PPA2: variants seen among roughly 807,000 people sequenced by gnomAD.
PPA2 encodes inorganic pyrophosphatase 2, mitochondrial.
In PPA2, 48 loss-of-function variants were observed where a neutral mutation model predicts 49.5. The observed-to-expected ratio is 0.97, with a 90% CI of 0.77 to 1.23. PPA2 has a LOEUF of 1.23. PPA2 is among the 50% of genes most tolerant of loss of function. The probability of loss-of-function intolerance (pLI) is 0.00; values close to 1 mark genes in which losing one functional copy is unlikely to be tolerated. For missense variants in PPA2, 429 were observed against 410.1 expected (o/e 1.05, Z -0.40); for synonymous variants, 131 against 139.9 (o/e 0.94, Z 0.45).
intron 7 of PPA2, among the ~76,000 whole-genome samples, chr4:105,423,702 G>C (rs568792138): frequency 2.6e-5 from 4 of 152,110 alleles, no homozygotes; most frequent in Admixed American, 6.5e-5. Context: ...TCAAAATTTC[G>C]TTAGAGGGCA....
intron 7 of PPA2, among the ~76,000 whole-genome samples, chr4:105,404,731 C>G (rs887174957): frequency 2.0e-5 from 3 of 152,162 alleles, no homozygotes; most frequent in African/African-American, 7.2e-5. Flanking sequence ...TCCATGAACA[C>G]AGCCAAAGTT....
intron 5 of PPA2, among the ~76,000 whole-genome samples, chr4:105,444,282 T>C (rs562537146): frequency 5.3e-5 from 8 of 152,234 alleles, no homozygotes; most frequent in African/African-American, 1.2e-4. Context: ...AAAATGAGGA[T>C]AGAGAAGTAA....
chr4:105,446,530 G>A, intron 4 of PPA2, 28 bp from the exon 5 acceptor site: 1 of 1,590,488 alleles, frequency 6.3e-7, no homozygotes, highest in Admixed American at 1.8e-5. Context: ...GGAAGAAAAG[G>A]AGATGGGATA....
chr4:105,406,111 C>A (rs1722459067), intron 7 of PPA2, among the ~76,000 whole-genome samples: 3 of 54,398 alleles, frequency 5.5e-5, no homozygotes, highest in Admixed American at 2.2e-4. Context: ...AACTATAAAA[C>A]TTCAAAAAAA....
chr4:105,470,976 A>C (rs1418499560), intron 1 of PPA2, among the ~76,000 whole-genome samples: 3 of 152,244 alleles, frequency 2.0e-5, no homozygotes, highest in African/African-American at 7.2e-5. Context: ...TAAGATGTTA[A>C]CAAATGTTCT....
chr4:105,449,518 G>C, intron 3 of PPA2, 115 bp from the exon 4 acceptor site: 1 of 607,454 alleles, frequency 1.6e-6, no homozygotes, highest in Non-Finnish European at 2.8e-6. Context: ...AAAATGTTGA[G>C]TCTCCATCAT....
chr4:105,399,354 TATA>T (rs1202619735), intron 7 of PPA2, 190 bp from the exon 8 acceptor site: 1 of 496,096 alleles, frequency 2.0e-6, no homozygotes, highest in East Asian at 3.3e-5. Context: ...TTTTCATATG[TATA>T]ATACTATTCC....
At chr4:105,463,845 C>G (rs1723191777) in intron 1 of PPA2, among the ~76,000 whole-genome samples, 1 of 152,214 alleles carries the variant, frequency 6.6e-6, no homozygotes, top group African/African-American at 2.4e-5. Context: ...TTTGGGACCT[C>G]TGCCTAGATT....
chr4:105,443,343 G>A (rs1186052835), intron 5 of PPA2, among the ~76,000 whole-genome samples: 1 of 150,254 alleles, frequency 6.7e-6, no homozygotes, highest in Admixed American at 6.7e-5. Context: ...TGAAGAAGCA[G>A]AAGGCAGAAG....
intron 5 of PPA2, among the ~76,000 whole-genome samples, chr4:105,443,438 C>G (rs1206447942): frequency 1.1e-5 from 1 of 88,414 alleles, no homozygotes; most frequent in African/African-American, 4.6e-5. Context: ...CATCAACCAT[C>G]AAGCAGAAAA....
intron 5 of PPA2, among the ~76,000 whole-genome samples, chr4:105,440,884 T>A (rs1340363337): frequency 6.7e-6 from 1 of 148,722 alleles, no homozygotes; most frequent in Non-Finnish European, 1.5e-5. Flanking sequence ...AATATTGTTA[T>A]GTTTAGGGCC....
At chr4:105,389,502 A>G (rs1399199175) in intron 9 of PPA2, among the ~76,000 whole-genome samples, 1 of 151,682 alleles carries the variant, frequency 6.6e-6, no homozygotes, top group Non-Finnish European at 1.5e-5. Flanking sequence ...ATACTAAGAT[A>G]TTAAATATTA....
At chr4:105,437,397 A>T (rs1298351134) in intron 6 of PPA2, among the ~76,000 whole-genome samples, 3 of 152,222 alleles carry the variant, frequency 2.0e-5, no homozygotes, top group South Asian at 2.1e-4. Flanking sequence ...AAAGACATAT[A>T]GAAGAATTGA....
chr4:105,403,002 C>A (rs1322970221), intron 7 of PPA2, among the ~76,000 whole-genome samples: 2 of 148,422 alleles, frequency 1.3e-5, no homozygotes, highest in Non-Finnish European at 3.0e-5. Context: ...TCCTCTTTTT[C>A]TTTCTTTCTT....
At chr4:105,391,722 C>T (rs1002704709) in intron 9 of PPA2, among the ~76,000 whole-genome samples, 2 of 152,082 alleles carry the variant, frequency 1.3e-5, no homozygotes, top group Non-Finnish European at 2.9e-5. Context: ...CAGGTTTGGA[C>T]ACATTGTTTA....
At chr4:105,443,390 CA>C in intron 5 of PPA2, among the ~76,000 whole-genome samples, 1 of 146,182 alleles carries the variant, frequency 6.8e-6, no homozygotes, top group African/African-American at 2.5e-5. Context: ...TAAATGGGAC[CA>C]GGGGCTGGCT....
intron 6 of PPA2, among the ~76,000 whole-genome samples, chr4:105,426,971 T>C (rs1329809474): frequency 2.0e-5 from 3 of 152,132 alleles, no homozygotes; most frequent in African/African-American, 7.2e-5. Flanking sequence ...AGACACCTCA[T>C]ATAGATAGGT....
intron 10 of PPA2, among the ~76,000 whole-genome samples, chr4:105,381,157 T>C (rs903505476): frequency 1.3e-5 from 2 of 152,126 alleles, no homozygotes; most frequent in African/African-American, 4.8e-5. Flanking sequence ...CAAATTATGA[T>C]GTTTAGTGGT....
At chr4:105,387,542 T>A in intron 9 of PPA2, among the ~76,000 whole-genome samples, 1 of 152,168 alleles carries the variant, frequency 6.6e-6, no homozygotes, top group Non-Finnish European at 1.5e-5. Flanking sequence ...TCTGTCTATA[T>A]CTGTTTGTAA....
Sources: gnomAD v4.1 joint callset for allele counts (sites outside exome capture counted in the v4.1 genomes callset) on GRCh38, gnomAD v4.1.1 for gene constraint, MANE v1.5 for transcripts, NCBI Gene and HGNC (gene_info 2026-07-23, HGNC 2026-07-21) for gene names.